The following KCTD1 variants were observed in gnomAD, a reference collection of about 807,000 sequenced individuals.
KCTD1 encodes potassium channel tetramerization domain containing 1, also known as BTB/POZ domain-containing protein KCTD1.
In KCTD1, 24 loss-of-function variants were observed where a neutral mutation model predicts 66.0. That is an observed-to-expected ratio of 0.36 (90% CI 0.26 to 0.51). The LOEUF is 0.51. Ranked by LOEUF, KCTD1 falls within the 20% of genes least tolerant of loss-of-function variation. KCTD1 has a pLI of 0.95. For synonymous variants in KCTD1, 511 were observed against 517.2 expected (o/e 0.99, Z 0.16); for missense variants, 943 against 1,205.2 (o/e 0.78, Z 3.22).
rs1985259347 is a variant in KCTD1 at position 26,546,971 on chromosome 18, G to A, written c.1566C>T (p.Val522=). The part of the protein sequence containing the change: ...NTYILPKDSQ[V]GPDVKSEAAP... Reference sequence around the variant, plus strand: ...CAGCCTCGGATTTCACGTCGGGCCCGACCTGGCTGTCTTTGGGGAGGATGT... The same window carrying A: ...CAGCCTCGGATTTCACGTCGGGCCCAACCTGGCTGTCTTTGGGGAGGATGT... The change falls in exon 1 of 5, where the codon GTC becomes GTT. Residue 522 remains valine, a synonymous_variant. Transcript: ENST00000580059. 2 of 1,477,664 alleles carry A rather than the reference G, an allele frequency of 1.4e-6. No individual in the cohort carries two copies. The highest frequency in any genetic ancestry group is 1.8e-6 in the Non-Finnish European group (2 of 1,109,524). 91.5% of individuals were successfully genotyped at this position (1,477,664 alleles called of 1,614,324 possible). A position where few individuals can be genotyped will look rare whatever the true frequency, so the allele number is the denominator to read the frequency against.
intron 3 of KCTD1, among the ~76,000 whole-genome samples, chr18:26,471,189 T>C (rs1338841591): frequency 6.6e-6 from 1 of 152,084 alleles, no homozygotes; most frequent in African/African-American, 2.4e-5. Context: ...CCTTAAGAGA[T>C]ACATGACCCT....
chr18:26,645,904 C>T (rs567766649), intron 1 of KCTD1, among the ~76,000 whole-genome samples: 2 of 152,264 alleles, frequency 1.3e-5, no homozygotes, highest in Non-Finnish European at 2.9e-5. Flanking sequence ...TTAACAAGCT[C>T]TGCAGACAAT....
chr18:26,508,790 C>T (rs1266384629), intron 1 of KCTD1, among the ~76,000 whole-genome samples: 1 of 151,952 alleles, frequency 6.6e-6, no homozygotes. Flanking sequence ...TGGGAATGTT[C>T]TGATTAATTC....
At chr18:26,612,085 T>C (rs1166096173) in intron 1 of KCTD1, among the ~76,000 whole-genome samples, 4 of 152,178 alleles carry the variant, frequency 2.6e-5, no homozygotes, top group Non-Finnish European at 4.4e-5. Context: ...TTTCCTCTTA[T>C]TCTGTTGAAT....
At chr18:26,483,404 G>GGTA (rs1049696469) in intron 2 of KCTD1, among the ~76,000 whole-genome samples, 13 of 152,154 alleles carry the variant, frequency 8.5e-5, no homozygotes, top group Admixed American at 6.5e-5. Context: ...GAGTAGCTGG[G>GGTA]ATTACAGGCA....
chr18:26,645,672 A>G (rs899941393), intron 1 of KCTD1, among the ~76,000 whole-genome samples: 1 of 152,220 alleles, frequency 6.6e-6, no homozygotes, highest in African/African-American at 2.4e-5. Context: ...TGCTAGGTTT[A>G]CAGGCATGAG....
At chr18:26,606,082 G>A (rs906752228) in intron 1 of KCTD1, among the ~76,000 whole-genome samples, 4 of 151,996 alleles carry the variant, frequency 2.6e-5, no homozygotes, top group African/African-American at 9.7e-5. Flanking sequence ...ATTTAAAAAT[G>A]TTCTGATTGG....
chr18:26,595,683 A>C (rs955860049), intron 1 of KCTD1, among the ~76,000 whole-genome samples: 1 of 152,172 alleles, frequency 6.6e-6, no homozygotes, highest in Non-Finnish European at 1.5e-5. Context: ...TTGGGCTTCC[A>C]TTTACTTTTA....
At position 26,459,888 on chromosome 18, in the gene KCTD1, T is replaced by C; in HGVS notation, c.2171A>G (p.Gln724Arg). The C allele has an allele frequency of 6.2e-7, 1 of 1,602,674 alleles. No individual in the cohort carries two copies. The highest frequency in any genetic ancestry group is 8.5e-7 in the Non-Finnish European group (1 of 1,174,128). ...TLLYEEAKYF[Q>R]LQPMLLEMER... ...CATCTCCAACAACATGGGCTGAAGC[T>C]GAAAATATTTTGCCTCTTCATATAA... Residue 724 changes from glutamine (Q) to arginine (R), a missense_variant, in exon 4 of 5, where the codon CAG (glutamine) becomes CGG (arginine). Coordinates refer to ENST00000580059, the MANE Select transcript of KCTD1 (RefSeq NM_001142730.3).
At chr18:26,555,798 T>G (rs1275017869) in intron 1 of KCTD1, among the ~76,000 whole-genome samples, 1 of 152,244 alleles carries the variant, frequency 6.6e-6, no homozygotes, top group African/African-American at 2.4e-5. Context: ...CAGTTACCAT[T>G]TAATGAGTAT....
chr18:26,498,855 C>T (rs533332657), intron 2 of KCTD1, among the ~76,000 whole-genome samples: 1 of 152,214 alleles, frequency 6.6e-6, no homozygotes, highest in African/African-American at 2.4e-5. Context: ...TATTTGAAGT[C>T]TTTACCTCAT....
At chr18:26,655,205 A>C (rs1453191184) in intron 1 of KCTD1, among the ~76,000 whole-genome samples, 1 of 152,216 alleles carries the variant, frequency 6.6e-6, no homozygotes, top group Non-Finnish European at 1.5e-5. Context: ...CTCTAAAAAA[A>C]CGCACACATA....
chr18:26,518,665 T>C (rs1983777236), intron 1 of KCTD1, among the ~76,000 whole-genome samples: 1 of 152,246 alleles, frequency 6.6e-6, no homozygotes, highest in South Asian at 2.1e-4. Context: ...AGTCTACACA[T>C]GTTGCTCACA....
chr18:26,460,261 G>A (rs993318207), intron 3 of KCTD1, among the ~76,000 whole-genome samples: 3 of 152,168 alleles, frequency 2.0e-5, no homozygotes, highest in Non-Finnish European at 4.4e-5. Context: ...GATGTGAAAG[G>A]ATTCACCCAA....
chr18:26,494,724 T>C (rs941447534), intron 2 of KCTD1, among the ~76,000 whole-genome samples: 1 of 152,032 alleles, frequency 6.6e-6, no homozygotes, highest in Non-Finnish European at 1.5e-5. Context: ...AAGAGGAAAA[T>C]TTCTTCTATT....
intron 1 of KCTD1, among the ~76,000 whole-genome samples, chr18:26,556,967 G>A (rs904309975): frequency 5.3e-5 from 8 of 152,212 alleles, no homozygotes; most frequent in Admixed American, 1.3e-4. Context: ...TTCAAACTAC[G>A]TAATCAGTGG....
At chr18:26,571,915 CAAG>C (rs968678214) in intron 1 of KCTD1, among the ~76,000 whole-genome samples, 1 of 151,944 alleles carries the variant, frequency 6.6e-6, no homozygotes, top group African/African-American at 2.4e-5. Flanking sequence ...GTGTAGAAGT[CAAG>C]AAGAACAAAT....
Position 26,547,180 on chromosome 18 carries a change from T to C in KCTD1, c.1357A>G (p.Ile453Val), listed in dbSNP as rs1392669507. 1 of 1,551,256 alleles carries C rather than the reference T, an allele frequency of 6.4e-7. No individual in the cohort carries two copies. Among genetic ancestry groups the C allele is most frequent in the Non-Finnish European group, 8.7e-7 (1 of 1,146,982 alleles). ...KLSKTYTNHC[I>V]GAVSIATLNS... ...AGCGTGGCGATGGAGACGGCGCCGA[T>C]GCAGTGGTTGGTGTAGGTCTTGGAG... is the stretch of plus-strand genomic sequence containing the variant. Residue 453 changes from isoleucine to valine, a missense_variant, in exon 1 of 5, where the codon ATC becomes GTC. Ile to Val is a conservative substitution (Grantham distance 29). This residue lies in a region of KCTD1 where 79 missense variants were observed against 133.9 expected (regional missense o/e 0.59). Coordinates refer to ENST00000580059, the MANE Select transcript of KCTD1 (RefSeq NM_001142730.3).
intron 1 of KCTD1, among the ~76,000 whole-genome samples, chr18:26,626,487 T>C (rs2039312573): frequency 6.6e-6 from 1 of 150,492 alleles, no homozygotes. Flanking sequence ...TTTTTTTTTT[T>C]TTTTTTGAGG....
Sources: allele counts gnomAD v4.1 joint callset (sites outside exome capture counted in the v4.1 genomes callset), GRCh38; gene constraint gnomAD v4.1.1; regional missense constraint gnomAD v4.1.1; transcripts MANE v1.5; gene names NCBI Gene and HGNC (gene_info 2026-07-23, HGNC 2026-07-21).